CAMK1D: variants seen among roughly 807,000 people sequenced by gnomAD.
CAMK1D encodes the protein calcium/calmodulin dependent protein kinase ID.
A neutral mutation model predicts 47.7 loss-of-function variants in CAMK1D; 9 were observed. The ratio of observed to expected loss-of-function variants is 0.19; its 90% CI spans 0.11 to 0.33. The LOEUF is 0.33. CAMK1D is among the 10% of genes least tolerant of loss of function. The pLI, the probability that CAMK1D is intolerant of heterozygous loss-of-function variation, is 1.00. For synonymous variants in CAMK1D, 184 were observed against 184.9 expected, an observed-to-expected ratio of 0.99 and a Z score of 0.04; for missense variants, 291 against 488.7, an observed-to-expected ratio of 0.60 and a Z score of 3.81.
At chr10:12,579,146 C>T (rs1248582975) in intron 2 of CAMK1D, among the ~76,000 whole-genome samples, 3 of 151,860 alleles carry the variant, frequency 2.0e-5, no homozygotes, top group South Asian at 4.2e-4. Flanking sequence ...CCTCGGAAGG[C>T]GCCTGAGTGA....
At chr10:12,702,884 C>T (rs940878531) in intron 3 of CAMK1D, among the ~76,000 whole-genome samples, 8 of 152,172 alleles carry the variant, frequency 5.3e-5, no homozygotes, top group South Asian at 2.1e-4. Context: ...ATCAGGAGTG[C>T]GCATGATCTG....
chr10:12,532,284 T>C (rs533114264), intron 1 of CAMK1D, among the ~76,000 whole-genome samples: 1 of 127,226 alleles, frequency 7.9e-6, no homozygotes, highest in South Asian at 2.2e-4. Flanking sequence ...TTTTATTTTC[T>C]TTTTTTTTTT....
At chr10:12,515,218 C>T (rs1034649997) in intron 1 of CAMK1D, among the ~76,000 whole-genome samples, 3 of 151,854 alleles carry the variant, frequency 2.0e-5, no homozygotes, top group Non-Finnish European at 4.4e-5. Flanking sequence ...ATGACTCTTA[C>T]GGTGTGCAGT....
At chr10:12,757,765 C>T (rs1206623036) in intron 3 of CAMK1D, among the ~76,000 whole-genome samples, 1 of 151,928 alleles carries the variant, frequency 6.6e-6, no homozygotes, top group Non-Finnish European at 1.5e-5. Context: ...AGGCAGCTGC[C>T]TTCTCCTTGT....
intron 3 of CAMK1D, among the ~76,000 whole-genome samples, chr10:12,737,745 C>T (rs1480422163): frequency 6.6e-6 from 1 of 152,146 alleles, no homozygotes; most frequent in Non-Finnish European, 1.5e-5. Context: ...GCACTTTACT[C>T]ACTTTGGGGT....
rs1023007969 is a variant in CAMK1D at position 12,615,892 on chromosome 10, G to C, written c.225-50844G>C. Among the ~76,000 whole-genome samples the C allele has an allele frequency of 3.3e-5, 5 of 151,460 alleles. No individual in the cohort carries two copies. In the South Asian group the frequency reaches 1.0e-3, roughly 32 times the overall value. On this transcript the variant is annotated intron_variant, in intron 2 of 10. Transcript: ENST00000619168. ...TATGTGTATAAGTGTATGCATAAGT[G>C]AGAGCATGTGCTGGTGTGTGTATAG...
intron 2 of CAMK1D, among the ~76,000 whole-genome samples, chr10:12,650,183 T>C (rs898694165): frequency 6.6e-6 from 1 of 152,240 alleles, no homozygotes; most frequent in Non-Finnish European, 1.5e-5. Flanking sequence ...CTCATGCTTC[T>C]CTGCCCTTGC....
At chr10:12,823,926 G>A (rs992925866) in intron 8 of CAMK1D, among the ~76,000 whole-genome samples, 13 of 151,920 alleles carry the variant, frequency 8.6e-5, no homozygotes, top group African/African-American at 2.4e-4. Flanking sequence ...GAGAGCCCAC[G>A]GGTGTGAGTG....
intron 5 of CAMK1D, among the ~76,000 whole-genome samples, chr10:12,783,735 T>C (rs1038316621): frequency 2.6e-5 from 4 of 152,212 alleles, no homozygotes; most frequent in African/African-American, 9.6e-5. Context: ...GAAACTCTTT[T>C]TTTGTTTTTT....
intron 1 of CAMK1D, among the ~76,000 whole-genome samples, chr10:12,493,618 C>T (rs1306673660): frequency 6.6e-6 from 1 of 152,090 alleles, no homozygotes; most frequent in Non-Finnish European, 1.5e-5. Flanking sequence ...CTCAGCCTCT[C>T]GAGTAGCTGG....
intron 3 of CAMK1D, among the ~76,000 whole-genome samples, chr10:12,667,331 T>G (rs573067401): frequency 6.6e-6 from 1 of 152,232 alleles, no homozygotes; most frequent in African/African-American, 2.4e-5. Flanking sequence ...AGAAGTATAA[T>G]TGGTGTCAGA....
At chr10:12,736,306 A>T (rs1480403827) in intron 3 of CAMK1D, among the ~76,000 whole-genome samples, 2 of 152,118 alleles carry the variant, frequency 1.3e-5, no homozygotes, top group Non-Finnish European at 1.5e-5. Flanking sequence ...CGGCGTCCCC[A>T]AGGAGTGGTA....
At chr10:12,699,071 C>T (rs1024022145) in intron 3 of CAMK1D, among the ~76,000 whole-genome samples, 10 of 151,972 alleles carry the variant, frequency 6.6e-5, no homozygotes, top group African/African-American at 2.4e-4. Context: ...TGAAATTCTC[C>T]CCAAATTGCC....
chr10:12,664,967 G>T (rs1313067081), intron 2 of CAMK1D, among the ~76,000 whole-genome samples: 3 of 152,180 alleles, frequency 2.0e-5, no homozygotes, highest in African/African-American at 7.2e-5. Flanking sequence ...AAATCTACGT[G>T]ATGCCTACTT....
intron 1 of CAMK1D, 98 bp from the exon 2 acceptor site, chr10:12,553,127 C>T (rs769262033): frequency 6.9e-5 from 110 of 1,588,868 alleles, no homozygotes; most frequent in African/African-American, 4.5e-4. Context: ...ACTGTGCCGT[C>T]GTTATTGTTT....
chr10:12,771,321 C>T (rs1255368329), intron 5 of CAMK1D, among the ~76,000 whole-genome samples: 2 of 152,186 alleles, frequency 1.3e-5, no homozygotes, highest in Non-Finnish European at 2.9e-5. Flanking sequence ...GTTATGTGAC[C>T]AGCATCACCC....
intron 1 of CAMK1D, among the ~76,000 whole-genome samples, chr10:12,391,349 G>A (rs1415750689): frequency 6.6e-6 from 1 of 152,118 alleles, no homozygotes; most frequent in East Asian, 1.9e-4. Flanking sequence ...TCTTAGGTCG[G>A]TATGACACGT....
intron 3 of CAMK1D, among the ~76,000 whole-genome samples, chr10:12,669,240 C>CAAACAA (rs754632806): frequency 1.3e-5 from 2 of 151,278 alleles, no homozygotes; most frequent in Admixed American, 6.6e-5. Context: ...TCGAAACAAA[C>CAAACAA]AAAAAAACCC....
At chr10:12,482,391 T>G (rs1278838594) in intron 1 of CAMK1D, among the ~76,000 whole-genome samples, 1 of 152,196 alleles carries the variant, frequency 6.6e-6, no homozygotes, top group Admixed American at 6.5e-5. Context: ...CCACTTGTTT[T>G]ATAACACCCG....
Sources: gnomAD v4.1 joint callset for allele counts (sites outside exome capture counted in the v4.1 genomes callset) on GRCh38, gnomAD v4.1.1 for gene constraint, MANE v1.5 for transcripts, NCBI Gene and HGNC (gene_info 2026-07-23, HGNC 2026-07-21) for gene names.